The following ILDR1 variants were observed in gnomAD, a reference collection of about 807,000 sequenced individuals.
The protein encoded by ILDR1 is immunoglobulin like domain containing receptor 1, also known as immunoglobulin-like domain-containing receptor 1.
A neutral mutation model predicts 62.4 loss-of-function variants in ILDR1; 56 were observed. That is an observed-to-expected ratio of 0.90 (90% CI 0.72 to 1.12). The LOEUF is 1.12. ILDR1 is among the 50% of genes most tolerant of loss of function. The probability of loss-of-function intolerance (pLI) is 0.00; values close to 1 mark genes in which losing one functional copy is unlikely to be tolerated. For synonymous variants in ILDR1, 284 were observed against 277.8 expected (o/e 1.02, Z -0.22); for missense variants, 736 against 710.6 (o/e 1.04, Z -0.41).
At chr3:122,014,545 A>C (rs2071751919) in intron 1 of ILDR1, among the ~76,000 whole-genome samples, 1 of 152,232 alleles carries the variant, frequency 6.6e-6, no homozygotes, top group Non-Finnish European at 1.5e-5. Context: ...TATTATAAGC[A>C]ATGCTGGCAT....
intron 3 of ILDR1, among the ~76,000 whole-genome samples, chr3:122,003,633 G>A (rs2071560656): frequency 6.6e-6 from 1 of 152,094 alleles, no homozygotes. Flanking sequence ...CAGAAAACAA[G>A]GGCTTCAGGA....
the ILDR1 span, among the ~76,000 whole-genome samples, chr3:122,031,429 A>G: frequency 6.6e-6 from 1 of 152,208 alleles, no homozygotes; most frequent in Non-Finnish European, 1.5e-5. Flanking sequence ...GCTTACCACC[A>G]AAGTCTACCA....
the ILDR1 span, among the ~76,000 whole-genome samples, chr3:122,047,871 C>T: frequency 4.6e-5 from 7 of 152,230 alleles, no homozygotes; most frequent in East Asian, 5.8e-4. Flanking sequence ...AATCACCCGT[C>T]TTCTGCGTCG....
the ILDR1 span, among the ~76,000 whole-genome samples, chr3:122,049,156 T>G: frequency 6.6e-6 from 1 of 152,242 alleles, no homozygotes; most frequent in Non-Finnish European, 1.5e-5. Context: ...AAGAGTATGT[T>G]GTTGCATTTC....
the ILDR1 span, among the ~76,000 whole-genome samples, chr3:122,030,928 GT>G: frequency 2.0e-5 from 3 of 152,158 alleles, no homozygotes; most frequent in Non-Finnish European, 4.4e-5. Context: ...TTGCATCTTG[GT>G]GACAAAATAG....
chr3:122,009,998 C>T (rs1480845115), intron 1 of ILDR1, among the ~76,000 whole-genome samples: 1 of 152,192 alleles, frequency 6.6e-6, no homozygotes, highest in Non-Finnish European at 1.5e-5. Flanking sequence ...GCAGTGCAGG[C>T]GAGAGCTGTG....
the ILDR1 span, among the ~76,000 whole-genome samples, chr3:122,051,403 A>C: frequency 3.3e-5 from 5 of 151,982 alleles, no homozygotes; most frequent in Non-Finnish European, 7.4e-5. Context: ...TGCTTGATCA[A>C]GTCTGTAGTT....
intron 5 of ILDR1, among the ~76,000 whole-genome samples, chr3:121,996,194 C>T (rs2071433217): frequency 6.6e-6 from 1 of 152,204 alleles, no homozygotes; most frequent in South Asian, 2.1e-4. Context: ...ACTCCTCCTG[C>T]TTCCTTCAAT....
At chr3:121,994,636 T>C (rs922574652) in intron 5 of ILDR1, among the ~76,000 whole-genome samples, 1 of 152,206 alleles carries the variant, frequency 6.6e-6, no homozygotes, top group African/African-American at 2.4e-5. Context: ...TCATGGATAC[T>C]AGCATACAAT....
chr3:121,993,297 G>A lies in ILDR1; in HGVS notation c.1452C>T (p.Asp484=). The change falls in exon 7 of 8, where the codon GAC becomes GAT. Residue 484 remains aspartate, a synonymous_variant. Transcript: ENST00000344209. ...GCCAGCTCTGGGGCTGCCTCTCCTT[G>A]TCCTCTTCAGAGCTCCAGGAACTGA... ...SGLSSWSSEE[D]KERQPQSWRA... 1 of 1,613,408 alleles carries A rather than the reference G, an allele frequency of 6.2e-7. No individual in the cohort carries two copies. Among genetic ancestry groups the A allele is most frequent in the Non-Finnish European group, 8.5e-7 (1 of 1,179,616 alleles).
At chr3:122,008,575 TTTC>T (rs1312908771) in intron 1 of ILDR1, among the ~76,000 whole-genome samples, 4 of 104,670 alleles carry the variant, frequency 3.8e-5, no homozygotes, top group Admixed American at 1.4e-4. Flanking sequence ...TTTCTTTTCT[TTTC>T]TTTTCTTTTC....
chr3:122,018,292 C>CA (rs1356544862), intron 1 of ILDR1, among the ~76,000 whole-genome samples: 13 of 144,456 alleles, frequency 9.0e-5, no homozygotes, highest in African/African-American at 3.1e-4. Flanking sequence ...ATCACAAGGA[C>CA]AAAAAACCAA....
chr3:122,004,487 G>A (rs1043623539), intron 3 of ILDR1, among the ~76,000 whole-genome samples: 1 of 152,178 alleles, frequency 6.6e-6, no homozygotes, highest in African/African-American at 2.4e-5. Context: ...GGAGAGGCTT[G>A]CCCAGGTTCA....
chr3:122,042,161 G>T, the ILDR1 span, among the ~76,000 whole-genome samples: 2 of 92,672 alleles, frequency 2.2e-5, no homozygotes, highest in Non-Finnish European at 4.2e-5. Context: ...GTGAGAATAT[G>T]CGGTGTTTGG....
At chr3:121,995,083 T>G (rs2071416820) in intron 5 of ILDR1, among the ~76,000 whole-genome samples, 1 of 152,218 alleles carries the variant, frequency 6.6e-6, no homozygotes, top group Non-Finnish European at 1.5e-5. Flanking sequence ...CATAAAAATG[T>G]CACTCCAGCC....
Position 122,005,310 on chromosome 3 carries a change from G to C in ILDR1, c.313C>G (p.Arg105Gly). 6 of 1,590,932 alleles carry C rather than the reference G, an allele frequency of 3.8e-6. No homozygotes were observed. The highest frequency in any genetic ancestry group is 5.1e-6 in the Non-Finnish European group (6 of 1,166,478). ...NQREVRIVAQRRGQNEPVLGV... is the reference protein window; with the variant it reads ...NQREVRIVAQGRGQNEPVLGV... ...AGCACGGGCTCATTCTGCCCCCGCC[G>C]CTGGGCCACTATGCGAACTTCCCGC... is the stretch of plus-strand genomic sequence containing the variant. The change falls in exon 3 of 8, where the codon CGG (arginine) becomes GGG (glycine). Residue 105 changes from arginine to glycine, a missense_variant. Physicochemically the swap from Arg to Gly is moderately radical, Grantham distance 125. Transcript: ENST00000344209.
At chr3:122,011,602 C>T (rs1415265014) in intron 1 of ILDR1, among the ~76,000 whole-genome samples, 3 of 150,838 alleles carry the variant, frequency 2.0e-5, no homozygotes, top group African/African-American at 7.3e-5. Flanking sequence ...GCCAGCCAGC[C>T]CCACAGCATC....
the ILDR1 span, among the ~76,000 whole-genome samples, chr3:122,044,633 G>T: frequency 6.7e-6 from 1 of 150,128 alleles, no homozygotes. Context: ...ACTTCTTCCT[G>T]GTTTAGTCTT....
rs949081784 is a variant in ILDR1 at position 121,987,349 on chromosome 3, A to G, written c.*1018T>C. 1 of 152,140 alleles carries G rather than the reference A, an allele frequency of 6.6e-6. No individual in the cohort carries two copies. The highest frequency in any genetic ancestry group is 1.5e-5 in the Non-Finnish European group (1 of 68,016). The allele number at this position is 152,140 out of a possible 1,614,324, so 9.4% of individuals were successfully genotyped here. ...AGGAAAGCAGATATTTATTTGGAGC[A>G]GCATGCTCAGCTTGGCATGTTTTCT... is the stretch of plus-strand genomic sequence containing the variant. On this transcript the variant is annotated 3_prime_UTR_variant, in exon 8 of 8. Coordinates refer to ENST00000344209, the MANE Select transcript of ILDR1 (RefSeq NM_001199799.2).
Sources: allele counts gnomAD v4.1 joint callset (sites outside exome capture counted in the v4.1 genomes callset), GRCh38; gene constraint gnomAD v4.1.1; transcripts MANE v1.5; gene names NCBI Gene and HGNC (gene_info 2026-07-23, HGNC 2026-07-21).